Variants in GABRA3 observed in about 807,000 individuals in gnomAD.
The protein encoded by GABRA3 is gamma-aminobutyric acid receptor subunit alpha-3.
GABRA3 carries 10 observed loss-of-function variants against 30.1 expected under a neutral mutation model. That is an observed-to-expected ratio of 0.33 (90% CI 0.20 to 0.56). The LOEUF is 0.56. Ranked by LOEUF, GABRA3 falls within the 20% of genes least tolerant of loss-of-function variation. GABRA3 has a pLI of 0.89. For synonymous variants in GABRA3, 151 were observed against 146.8 expected (o/e 1.03, Z -0.21); for missense variants, 233 against 392.0 (o/e 0.59, Z 3.42).
chrX:152,287,159 A>G (rs139202710), intron 3 of GABRA3, among the ~76,000 whole-genome samples: 245 of 112,430 alleles, frequency 2.2e-3, no homozygotes, highest in African/African-American at 7.6e-3. Flanking sequence ...AGGCAAAAAC[A>G]TTGCAGATAC....
intron 2 of GABRA3, among the ~76,000 whole-genome samples, chrX:152,360,431 T>A: frequency 9.8e-6 from 1 of 102,071 alleles, no homozygotes; most frequent in Non-Finnish European, 2.0e-5. Flanking sequence ...TGATGAGCAT[T>A]TCTTCATGTG....
chrX:152,369,074 C>A (rs1385942761), intron 1 of GABRA3, among the ~76,000 whole-genome samples: 10 of 111,339 alleles, frequency 9.0e-5, no homozygotes, highest in Non-Finnish European at 1.7e-4. Context: ...TGCATTCCCA[C>A]CAACAGTGTG....
intron 1 of GABRA3, among the ~76,000 whole-genome samples, chrX:152,366,221 A>C (rs1928657126): frequency 8.9e-6 from 1 of 112,239 alleles, no homozygotes; most frequent in Non-Finnish European, 1.9e-5. Flanking sequence ...TTGTGTAATC[A>C]TATGACAAGA....
rs1413467080 is a variant in GABRA3, at chrX:152,315,289, TG to T, written c.262+30291del. On this transcript the variant is annotated intron_variant, in intron 3 of 9. Coordinates refer to ENST00000370314, the MANE Select transcript of GABRA3 (RefSeq NM_000808.4). ...AGAAGGATTTGACCTTACCTGGAGC[TG>T]AGACAATTTAGAGAGCCACGCAAAA... 5.1e-4 allele frequency among the ~76,000 whole-genome samples: 57 copies of T among 111,366 alleles called. 1 individual carries two copies. Among genetic ancestry groups the T allele is most frequent in the African/African-American group, 1.8e-3 (55 of 30,649 alleles).
chrX:152,343,879 CTTG>C (rs1940352208), intron 3 of GABRA3, among the ~76,000 whole-genome samples: 1 of 111,911 alleles, frequency 8.9e-6, no homozygotes, highest in African/African-American at 3.2e-5. Context: ...ATTAAAAGTA[CTTG>C]TTGGACTGCA....
chrX:152,199,781 G>A (rs1309899225), intron 7 of GABRA3, among the ~76,000 whole-genome samples: 3 of 109,666 alleles, frequency 2.7e-5, no homozygotes, highest in East Asian at 2.9e-4. Context: ...CAACCCCACC[G>A]TGTTCTGTTG....
intron 1 of GABRA3, among the ~76,000 whole-genome samples, chrX:152,450,384 G>C (rs767298965): frequency 9.5e-6 from 1 of 105,710 alleles, no homozygotes; most frequent in South Asian, 4.4e-4. Flanking sequence ...CTATGAGTGA[G>C]ATGGGGTGGG....
chrX:152,383,984 A>G (rs981392852), intron 1 of GABRA3, among the ~76,000 whole-genome samples: 4 of 109,640 alleles, frequency 3.6e-5, no homozygotes, highest in Non-Finnish European at 7.6e-5. Flanking sequence ...AAAAAAAAAA[A>G]AAAAAAGAAA....
At chrX:152,275,189 A>ATATATATAATTTATATATATAATATTATG (rs1939029422) in intron 4 of GABRA3, among the ~76,000 whole-genome samples, 1 of 73,833 alleles carries the variant, frequency 1.4e-5, no homozygotes, top group Admixed American at 2.2e-4. Flanking sequence ...ATTTAATATT[A>ATATATATAATTTATATATATAATATTATG]TATATATAAT....
chrX:152,278,335 C>T (rs1441311715), intron 4 of GABRA3, among the ~76,000 whole-genome samples: 1 of 105,937 alleles, frequency 9.4e-6, no homozygotes, highest in Non-Finnish European at 1.9e-5. Context: ...GTTCAATTCC[C>T]ACCTATGAGT....
chrX:152,360,734 AAAATTAAAAAAAAAAAT>A (rs1928470125), intron 2 of GABRA3, among the ~76,000 whole-genome samples: 1 of 89,800 alleles, frequency 1.1e-5, no homozygotes, highest in Non-Finnish European at 2.1e-5. Context: ...ATTAAAAAAA[AAAATTAAAAAAAAAAAT>A]AAATTAAAAA....
chrX:152,424,336 TC>T (rs1930459775), intron 1 of GABRA3, among the ~76,000 whole-genome samples: 10 of 110,074 alleles, frequency 9.1e-5, no homozygotes, highest in Admixed American at 8.8e-4. Flanking sequence ...TTCACATTGT[TC>T]ACCACAACAC....
At chrX:152,189,538 C>T (rs962461933) in intron 9 of GABRA3, among the ~76,000 whole-genome samples, 192 bp downstream of exon 9, 1 of 111,065 alleles carries the variant, frequency 9.0e-6, no homozygotes, top group Non-Finnish European at 1.9e-5. Context: ...CTCCATGATA[C>T]CTGCCCTCTT....
At chrX:152,438,167 T>C (rs1367238045) in intron 1 of GABRA3, among the ~76,000 whole-genome samples, 3 of 111,709 alleles carry the variant, frequency 2.7e-5, no homozygotes, top group Non-Finnish European at 3.8e-5. Context: ...AAGAGACAGC[T>C]CAGCAAAACA....
At chrX:152,269,714 C>A (rs1938892955) in intron 4 of GABRA3, among the ~76,000 whole-genome samples, 1 of 111,996 alleles carries the variant, frequency 8.9e-6, no homozygotes, top group Admixed American at 9.5e-5. Context: ...TCCTCTCCAA[C>A]AAAGGCAGCA....
intron 3 of GABRA3, among the ~76,000 whole-genome samples, chrX:152,291,681 G>A (rs1428087983): frequency 2.7e-5 from 3 of 111,310 alleles, no homozygotes; most frequent in African/African-American, 6.5e-5. Context: ...TTTGAGATAC[G>A]TTCCATCAAT....
In GABRA3 at chrX:152,282,693, C is replaced by T. The variant is rs757956037; in HGVS notation, c.330+1975G>A. Among the ~76,000 whole-genome samples, 229 of 111,932 alleles carry T rather than the reference C, an allele frequency of 2.0e-3. 1 individual carries two copies. The highest frequency in any genetic ancestry group is 3.8e-3 in the Non-Finnish European group (202 of 53,187). On this transcript the variant is annotated intron_variant, in intron 4 of 9. Coordinates refer to ENST00000370314, the MANE Select transcript of GABRA3 (RefSeq NM_000808.4). Reference sequence around the variant, plus strand: ...TCTCCAGAGCCTGGACACACCCATACACGCCTGCTATGGTGAGGAAGCAGC... The same window carrying T: ...TCTCCAGAGCCTGGACACACCCATATACGCCTGCTATGGTGAGGAAGCAGC...
chrX:152,348,472 G>A (rs113080170), intron 2 of GABRA3, among the ~76,000 whole-genome samples: 28 of 111,472 alleles, frequency 2.5e-4, no homozygotes, highest in African/African-American at 6.8e-4. Context: ...TGAAAATGAC[G>A]TTACTAATAC....
At chrX:152,263,386 A>G (rs1376315957) in intron 4 of GABRA3, among the ~76,000 whole-genome samples, 1 of 110,554 alleles carries the variant, frequency 9.0e-6, no homozygotes, top group Non-Finnish European at 1.9e-5. Context: ...AAATAGTTAA[A>G]AAGAATCAAG....
Sources: allele counts gnomAD v4.1 joint callset (sites outside exome capture counted in the v4.1 genomes callset), GRCh38; gene constraint gnomAD v4.1.1; transcripts MANE v1.5; gene names NCBI Gene and HGNC (gene_info 2026-07-23, HGNC 2026-07-21).